The following PCDHA3 variants were observed in gnomAD, a reference collection of about 807,000 sequenced individuals.
PCDHA3 encodes protocadherin alpha-3.
Under a neutral mutation model 62.2 loss-of-function variants are expected in PCDHA3, and 41 were observed. The ratio of observed to expected loss-of-function variants is 0.66; its 90% CI spans 0.51 to 0.86. The LOEUF (loss-of-function observed/expected upper bound fraction) is 0.86. Among genes scored for constraint, PCDHA3 ranks in the 40% least tolerant of loss-of-function variants. The probability of loss-of-function intolerance (pLI) is 0.00; values close to 1 mark genes in which losing one functional copy is unlikely to be tolerated. For missense variants in PCDHA3, 1,304 were observed against 1,241.2 expected, an observed-to-expected ratio of 1.05 and a Z score of -0.76; for synonymous variants, 640 against 555.4, an observed-to-expected ratio of 1.15 and a Z score of -2.14.
At chr5:140,857,724 A>C in intron 1 of PCDHA3, 1 of 1,597,434 alleles carries the variant, frequency 6.3e-7, no homozygotes. Flanking sequence ...GACGAGAACG[A>C]CAACGCTCCC....
At chr5:140,971,466 G>A (rs928383559) in intron 1 of PCDHA3, among the ~76,000 whole-genome samples, 2 of 152,144 alleles carry the variant, frequency 1.3e-5, no homozygotes, top group Non-Finnish European at 2.9e-5. Flanking sequence ...GCAGTTATAG[G>A]GAGAGAGTGT....
chr5:140,868,954 C>T (rs192231), intron 1 of PCDHA3: 649,749 of 1,346,616 alleles, frequency 0.48, 158,482 homozygotes, highest in South Asian at 0.57. Flanking sequence ...GTGAGGCACT[C>T]CCATACAAAG....
chr5:140,850,784 TAAG>T, intron 1 of PCDHA3: 1 of 1,597,982 alleles, frequency 6.3e-7, no homozygotes, highest in Non-Finnish European at 8.6e-7. Flanking sequence ...CTGGCGAGGG[TAAG>T]CAGAAGACCG....
At chr5:140,863,299 G>A (rs868935823) in intron 1 of PCDHA3, 1 of 1,462,780 alleles carries the variant, frequency 6.8e-7, no homozygotes, top group Admixed American at 1.8e-5. Context: ...CCTGATCATC[G>A]CCATCTGCGT....
At chr5:140,917,598 G>A (rs2078274580) in intron 1 of PCDHA3, among the ~76,000 whole-genome samples, 1 of 152,174 alleles carries the variant, frequency 6.6e-6, no homozygotes, top group Non-Finnish European at 1.5e-5. Flanking sequence ...TGAAAGGAAG[G>A]GGTCCAGTTT....
At chr5:140,892,111 A>G (rs918433393) in intron 1 of PCDHA3, among the ~76,000 whole-genome samples, 3 of 152,206 alleles carry the variant, frequency 2.0e-5, no homozygotes, top group Admixed American at 2.0e-4. Context: ...CTTGGCATTT[A>G]TATCTGGAAC....
intron 1 of PCDHA3, among the ~76,000 whole-genome samples, chr5:140,946,629 T>TATATATATATATATATATATATATATAC (rs1367833800): frequency 2.4e-5 from 3 of 123,274 alleles, no homozygotes; most frequent in Non-Finnish European, 3.6e-5. Context: ...TATATATATA[T>TATATATATATATATATATATATATATAC]ATACAATGGA....
rs1162004111 is a variant in PCDHA3, at chr5:140,853,967, G to A, written c.2394+50376G>A. ...GAGGGTCCCTTCCTTGAGCCCAGCAGTTTGAGACCAATGTAGTGAGACTCA... is the reference window on the plus strand; with the variant it reads ...GAGGGTCCCTTCCTTGAGCCCAGCAATTTGAGACCAATGTAGTGAGACTCA... On this transcript the variant is annotated intron_variant, in intron 1 of 3. Coordinates refer to ENST00000522353, the MANE Select transcript of PCDHA3 (RefSeq NM_018906.3). The A allele has an allele frequency of 7.7e-6, 5 of 646,708 alleles. No homozygotes were observed. The East Asian group carries it at 4.0e-4, about 51-fold the overall frequency. The allele number at this position is 646,708 out of a possible 1,614,324, so 40.1% of individuals were successfully genotyped here.
intron 1 of PCDHA3, among the ~76,000 whole-genome samples, chr5:140,832,596 A>G (rs2150115018): frequency 6.6e-6 from 1 of 152,326 alleles, no homozygotes; most frequent in Non-Finnish European, 1.5e-5. Context: ...AGAGAACTAT[A>G]GCGTTGCTAG....
intron 1 of PCDHA3, chr5:140,822,856 G>A: frequency 1.9e-6 from 3 of 1,614,206 alleles, no homozygotes; most frequent in Non-Finnish European, 2.5e-6. Flanking sequence ...TGTCAAAGAG[G>A]ACGCTCCACT....
Position 140,832,155 on chromosome 5 carries a change from G to A in PCDHA3, c.2394+28564G>A, listed in dbSNP as rs139131870. Reference sequence around the variant, plus strand: ...AAGTTGAAAATTGAATTAAGACTTGGACAGTGGAAAAGTTTTATGAATTCA... The same window carrying A: ...AAGTTGAAAATTGAATTAAGACTTGAACAGTGGAAAAGTTTTATGAATTCA... On this transcript the variant is annotated intron_variant, in intron 1 of 3. Transcript: ENST00000522353. Among the ~76,000 whole-genome samples the A allele has an allele frequency of 1.4e-3, 211 of 152,314 alleles. 2 individuals are homozygous for A. The highest frequency in any genetic ancestry group is 4.6e-3 in the African/African-American group (192 of 41,574).
rs142949338 is a variant in PCDHA3 at position 140,927,554 on chromosome 5, T to G, written c.2395-51395T>G. On this transcript the variant is annotated intron_variant, in intron 1 of 3. Coordinates refer to ENST00000522353, the MANE Select transcript of PCDHA3 (RefSeq NM_018906.3). ...CGCTCAGGAGACGCACAAGTCACCA[T>G]CATTGTGGTGGACACAAATGACAAC... The G allele has an allele frequency of 5.6e-6, 9 of 1,614,020 alleles. No individual in the cohort carries two copies. The African/African-American group carries it at 1.1e-4, about 19-fold the overall frequency.
At chr5:140,822,997 C>T in intron 1 of PCDHA3, 1 of 1,614,238 alleles carries the variant, frequency 6.2e-7, no homozygotes, top group African/African-American at 1.3e-5. Flanking sequence ...CTCGTTGGTG[C>T]TGGACAGCGC....
chr5:140,801,059 T>A lies in PCDHA3; in HGVS notation c.-139T>A, dbSNP rs1762631881. ...CCACAAAAGAAATAACAGCGTGCAT[T>A]ACGTATTCAGATACTGCTTTGCTTC... On this transcript the variant is annotated 5_prime_UTR_variant, in exon 1 of 4. Transcript: ENST00000522353. 9.0e-6 allele frequency: 13 copies of A among 1,450,906 alleles called. No individual in the cohort carries two copies. The highest frequency in any genetic ancestry group is 1.2e-5 in the Non-Finnish European group (13 of 1,107,552). 89.9% of individuals were successfully genotyped at this position (1,450,906 alleles called of 1,614,324 possible). A position where few individuals can be genotyped will look rare whatever the true frequency, so the allele number is the denominator to read the frequency against.
chr5:140,836,238 A>C (rs1774313279), intron 1 of PCDHA3: 1 of 1,613,700 alleles, frequency 6.2e-7, no homozygotes, highest in Admixed American at 1.7e-5. Context: ...GGCCGGTGCG[A>C]GCATCCCGTT....
chr5:140,949,172 A>G (rs574592967), intron 1 of PCDHA3, among the ~76,000 whole-genome samples: 3 of 151,856 alleles, frequency 2.0e-5, no homozygotes, highest in African/African-American at 7.2e-5. Context: ...TCTTTTGGTC[A>G]GAGAACATAC....
At chr5:140,811,445 T>C (rs1764870154) in intron 1 of PCDHA3, 1 of 152,238 alleles carries the variant, frequency 6.6e-6, no homozygotes, top group African/African-American at 2.4e-5. Flanking sequence ...TCTTTGCTAT[T>C]GTGAATAGTG....
chr5:140,884,105 C>T, intron 1 of PCDHA3: 2 of 1,613,466 alleles, frequency 1.2e-6, no homozygotes, highest in South Asian at 2.2e-5. Flanking sequence ...TGAATTGCAG[C>T]TGGCGGCGGT....
chr5:140,848,892 T>A (rs2150423742), intron 1 of PCDHA3: 2 of 1,601,494 alleles, frequency 1.2e-6, no homozygotes, highest in East Asian at 2.2e-5. Context: ...CCCTCCAGTG[T>A]TCCCAGCGAC....
Sources: allele counts gnomAD v4.1 joint callset (sites outside exome capture counted in the v4.1 genomes callset), GRCh38; gene constraint gnomAD v4.1.1; transcripts MANE v1.5; gene names NCBI Gene and HGNC (gene_info 2026-07-23, HGNC 2026-07-21).